CAMK2D: variants seen among roughly 807,000 people sequenced by gnomAD.
CAMK2D encodes calcium/calmodulin-dependent protein kinase type II subunit delta.
CAMK2D carries 37 observed loss-of-function variants against 84.0 expected under a neutral mutation model. The ratio of observed to expected loss-of-function variants is 0.44; its 90% CI spans 0.34 to 0.58. The LOEUF (loss-of-function observed/expected upper bound fraction) is 0.58. Ranked by LOEUF, CAMK2D falls within the 20% of genes least tolerant of loss-of-function variation. CAMK2D has a pLI of 0.02. For missense variants in CAMK2D, 448 were observed against 652.5 expected (o/e 0.69, Z 3.41); for synonymous variants, 202 against 212.5 (o/e 0.95, Z 0.43).
chr4:113,752,510 C>A (rs1203616152), intron 2 of CAMK2D, among the ~76,000 whole-genome samples: 3 of 151,826 alleles, frequency 2.0e-5, no homozygotes, highest in African/African-American at 7.3e-5. Context: ...TACAAAACAA[C>A]AAAAATTTGT....
At chr4:113,470,582 G>A (rs1246830928) in intron 16 of CAMK2D, among the ~76,000 whole-genome samples, 1 of 151,254 alleles carries the variant, frequency 6.6e-6, no homozygotes, top group Non-Finnish European at 1.5e-5. Context: ...AGGTTGCAGT[G>A]AGCTGAGATT....
intron 3 of CAMK2D, among the ~76,000 whole-genome samples, chr4:113,634,380 A>G (rs2099101949): frequency 6.6e-6 from 1 of 152,248 alleles, no homozygotes; most frequent in Non-Finnish European, 1.5e-5. Context: ...AAGCAAAGAC[A>G]GAATTGGGCA....
At chr4:113,515,507 T>C (rs1245624208) in intron 9 of CAMK2D, among the ~76,000 whole-genome samples, 1 of 152,230 alleles carries the variant, frequency 6.6e-6, no homozygotes, top group Non-Finnish European at 1.5e-5. Context: ...AAAGTATCTC[T>C]GCTTTGATCT....
intron 4 of CAMK2D, among the ~76,000 whole-genome samples, chr4:113,556,579 T>C (rs2098666139): frequency 6.6e-6 from 1 of 152,082 alleles, no homozygotes; most frequent in Admixed American, 6.5e-5. Flanking sequence ...TGTGCAGATG[T>C]CCTGTATAAG....
At position 113,680,352 on chromosome 4, in the gene CAMK2D, T is replaced by C. The variant is rs867519567; in HGVS notation, c.161-18580A>G. On this transcript the variant is annotated intron_variant, in intron 2 of 20. Coordinates refer to ENST00000511664, the MANE Select transcript of CAMK2D (RefSeq NM_001321571.2). ...TAGAACAAACGCTGTCCATCAGAGTTGTCTAGTGCTGGGGTCTTAACTTAG... is the reference window on the plus strand; with the variant it reads ...TAGAACAAACGCTGTCCATCAGAGTCGTCTAGTGCTGGGGTCTTAACTTAG... Among the ~76,000 whole-genome samples the C allele has an allele frequency of 2.0e-5, 3 of 152,178 alleles. No individual in the cohort carries two copies. In the East Asian group the frequency reaches 5.8e-4, roughly 29 times the overall value.
chr4:113,481,532 T>G (rs1303957734), intron 16 of CAMK2D, among the ~76,000 whole-genome samples: 3 of 152,070 alleles, frequency 2.0e-5, no homozygotes, highest in Non-Finnish European at 2.9e-5. Context: ...CAGGCTGGAG[T>G]GCAGTGGTGC....
intron 3 of CAMK2D, among the ~76,000 whole-genome samples, chr4:113,631,137 T>G (rs995904262): frequency 1.3e-5 from 2 of 152,178 alleles, no homozygotes; most frequent in Non-Finnish European, 2.9e-5. Flanking sequence ...AAGTCTGTGA[T>G]GGTCTTTTAC....
intron 4 of CAMK2D, among the ~76,000 whole-genome samples, chr4:113,557,660 C>G (rs2098674026): frequency 6.6e-6 from 1 of 152,176 alleles, no homozygotes; most frequent in African/African-American, 2.4e-5. Flanking sequence ...TTATGTCTTA[C>G]CATAGTACTT....
intron 4 of CAMK2D, among the ~76,000 whole-genome samples, chr4:113,561,674 A>G (rs1427905240): frequency 6.6e-6 from 1 of 152,224 alleles, no homozygotes; most frequent in African/African-American, 2.4e-5. Context: ...TAATCTCTAC[A>G]CAGGCTTAAC....
At chr4:113,714,019 T>C (rs191100016) in intron 2 of CAMK2D, among the ~76,000 whole-genome samples, 12 of 152,188 alleles carry the variant, frequency 7.9e-5, no homozygotes, top group Admixed American at 5.9e-4. Context: ...ATCATACAGA[T>C]ACTCTTCTAT....
intron 4 of CAMK2D, among the ~76,000 whole-genome samples, chr4:113,564,810 A>G (rs962458370): frequency 2.6e-5 from 4 of 152,240 alleles, no homozygotes; most frequent in Admixed American, 6.5e-5. Context: ...TTGCATATTT[A>G]TTCTTTTAAC....
At chr4:113,742,907 T>A (rs2099596200) in intron 2 of CAMK2D, among the ~76,000 whole-genome samples, 1 of 152,180 alleles carries the variant, frequency 6.6e-6, no homozygotes, top group Admixed American at 6.5e-5. Context: ...TTCCTACTGA[T>A]AAAAACTATG....
Position 113,535,302 on chromosome 4 carries a change from T to C in CAMK2D, c.517+2039A>G, listed in dbSNP as rs1467456672. 1.2e-4 allele frequency among the ~76,000 whole-genome samples: 18 copies of C among 152,170 alleles called. 1 individual carries two copies. The highest frequency in any genetic ancestry group is 1.2e-3 in the Admixed American group (18 of 15,264). On this transcript the variant is annotated intron_variant, in intron 7 of 20. Transcript: ENST00000511664. ...CCTAAACAGATTCCCTTAGAGTTCA[T>C]ATTTCCTGTCTGATCTGTATGTTAT... is the stretch of plus-strand genomic sequence containing the variant.
At chr4:113,760,151 G>A (rs1440850470) in intron 1 of CAMK2D, among the ~76,000 whole-genome samples, 1 of 152,130 alleles carries the variant, frequency 6.6e-6, no homozygotes, top group East Asian at 1.9e-4. Flanking sequence ...ACAAAAATCA[G>A]CATTCACGGC....
At chr4:113,568,576 T>C (rs536670127) in intron 4 of CAMK2D, among the ~76,000 whole-genome samples, 1 of 152,342 alleles carries the variant, frequency 6.6e-6, no homozygotes, top group East Asian at 1.9e-4. Context: ...TTCAATTCTT[T>C]TTGGTATATA....
rs1182035360 is a variant in CAMK2D at position 113,452,035 on chromosome 4, T to C, written c.*2510A>G. The C allele has an allele frequency of 6.6e-6, 1 of 151,826 alleles. No homozygotes were observed. The highest frequency in any genetic ancestry group is 1.5e-5 in the Non-Finnish European group (1 of 68,002). 9.4% of individuals were successfully genotyped at this position (151,826 alleles called of 1,614,324 possible). ...CAAATCAAAAGAAGCTGAGCATCCA[T>C]GTATGCTCAAGTTCAAGCTGGGGAG... On this transcript the variant is annotated 3_prime_UTR_variant, in exon 21 of 21. Transcript: ENST00000511664.
intron 2 of CAMK2D, among the ~76,000 whole-genome samples, chr4:113,700,888 G>A (rs544681151): frequency 6.6e-6 from 1 of 152,288 alleles, no homozygotes; most frequent in East Asian, 1.9e-4. Flanking sequence ...TAGACTAAGG[G>A]AAAGGAACCT....
At chr4:113,514,025 C>T (rs2098252570) in intron 10 of CAMK2D, 112 bp from the exon 11 acceptor site, 14 of 529,274 alleles carry the variant, frequency 2.6e-5, no homozygotes. Flanking sequence ...CCTGCAGGAT[C>T]AACTTCTAAG....
intron 2 of CAMK2D, among the ~76,000 whole-genome samples, chr4:113,758,632 A>G (rs1300110878): frequency 6.6e-6 from 1 of 152,194 alleles, no homozygotes; most frequent in Non-Finnish European, 1.5e-5. Context: ...GAGTTCTACT[A>G]AATAAAAAGA....
Sources: gnomAD v4.1 joint callset for allele counts (sites outside exome capture counted in the v4.1 genomes callset) on GRCh38, gnomAD v4.1.1 for gene constraint, MANE v1.5 for transcripts, NCBI Gene and HGNC (gene_info 2026-07-23, HGNC 2026-07-21) for gene names.